SGO1: variants seen among roughly 807,000 people sequenced by gnomAD.
SGO1 encodes the protein shugoshin 1.
SGO1 carries 39 observed loss-of-function variants against 50.5 expected under a neutral mutation model. The ratio of observed to expected loss-of-function variants is 0.77; its 90% CI spans 0.60 to 1.01. SGO1 has a LOEUF of 1.01. SGO1 is among the 50% of genes least tolerant of loss of function. The pLI is 0.00. For synonymous variants in SGO1, 191 were observed against 205.1 expected, an observed-to-expected ratio of 0.93 and a Z score of 0.59; for missense variants, 638 against 606.0, an observed-to-expected ratio of 1.05 and a Z score of -0.55.
At chr3:20,177,386 G>C (rs1701516899) in intron 4 of SGO1, 1 of 152,186 alleles carries the variant, frequency 6.6e-6, no homozygotes, top group African/African-American at 2.4e-5. Flanking sequence ...AGTAATCTAT[G>C]GTGATAGAAA....
Position 20,170,291 on chromosome 3 carries a change from G to C in SGO1, c.*413C>G, listed in dbSNP as rs943330001. 14 of 466,810 alleles carry C rather than the reference G, an allele frequency of 3.0e-5. No homozygotes were observed. Among genetic ancestry groups the C allele is most frequent in the Non-Finnish European group, 3.6e-5 (13 of 356,728 alleles). The allele number at this position is 466,810 out of a possible 1,614,324, so 28.9% of individuals were successfully genotyped here. A position where few individuals can be genotyped will look rare whatever the true frequency, so the allele number is the denominator to read the frequency against. On this transcript the variant is annotated 3_prime_UTR_variant, in exon 8 of 8. Transcript: ENST00000412997. ...CACATGCCTGTAGTCCCAGCTACTC[G>C]GGAGTCTGAGGCAGGAGAATCGCTT... is the stretch of plus-strand genomic sequence containing the variant.
chr3:20,185,910 G>A (rs1480287360), intron 1 of SGO1, 38 bp downstream of exon 1: 1 of 152,110 alleles, frequency 6.6e-6, no homozygotes, highest in Non-Finnish European at 1.5e-5. Flanking sequence ...AAAACCGAAG[G>A]GAAGTCAAAC....
At chr3:20,179,200 G>C (rs1295974135) in intron 3 of SGO1, among the ~76,000 whole-genome samples, 2 of 152,164 alleles carry the variant, frequency 1.3e-5, no homozygotes, top group African/African-American at 4.8e-5. Context: ...ATAAAGGAAG[G>C]TAGGAAGTAT....
At chr3:20,183,552 A>G in intron 3 of SGO1, 56 bp downstream of exon 3, 1 of 1,347,802 alleles carries the variant, frequency 7.4e-7, no homozygotes, top group Non-Finnish European at 1.0e-6. Flanking sequence ...ATTGATCTAA[A>G]CTACTTATTC....
Position 20,174,194 on chromosome 3 carries a change from G to A in SGO1, c.1282+55C>T, listed in dbSNP as rs1179122370. On this transcript the variant is annotated intron_variant, in intron 6 of 7. Coordinates refer to ENST00000412997, the MANE Select transcript of SGO1 (RefSeq NM_001199251.3). Reference sequence around the variant, plus strand: ...GGTAAGTATAGTATATAAGCATCAGGAGTGATCATTTATCACGAACATTAA... The same window carrying A: ...GGTAAGTATAGTATATAAGCATCAGAAGTGATCATTTATCACGAACATTAA... The A allele has an allele frequency of 3.0e-6, 4 of 1,328,298 alleles. No individual in the cohort carries two copies. In the Admixed American group the frequency reaches 5.2e-5, roughly 17 times the overall value. 82.3% of individuals were successfully genotyped at this position (1,328,298 alleles called of 1,614,324 possible). A position where few individuals can be genotyped will look rare whatever the true frequency, so the allele number is the denominator to read the frequency against.
In SGO1 at chr3:20,178,298, G is replaced by T. The variant is rs780214346; in HGVS notation, c.389C>A (p.Ser130Tyr). The change falls in exon 4 of 8, where the codon TCC (serine) becomes TAC (tyrosine). Residue 130 changes from serine to tyrosine, a missense_variant. Coordinates refer to ENST00000412997, the MANE Select transcript of SGO1 (RefSeq NM_001199251.3). Reference sequence around the variant, plus strand: ...TAAATCCTTCACAAATAAATTTCTGGAGCTGTCATCACTATTGGGGTCCAT... The same window carrying T: ...TAAATCCTTCACAAATAAATTTCTGTAGCTGTCATCACTATTGGGGTCCAT... ...SGMDPNSDDS[S>Y]RNLFVKDLPQ... 1 of 1,612,576 alleles carries T rather than the reference G, an allele frequency of 6.2e-7. No homozygotes were observed. The highest frequency in any genetic ancestry group is 8.5e-7 in the Non-Finnish European group (1 of 1,178,946).
Position 20,174,874 on chromosome 3 carries a change from C to G in SGO1, c.657G>C (p.Lys219Asn). 6.2e-7 allele frequency: 1 copy of G among 1,614,014 alleles called. No homozygotes were observed. ...DDFETSHLAG[K>N]SFEFERVGFL... Reference sequence around the variant, plus strand: ...ATCCAACTCTTTCGAATTCAAAAGACTTCCCTGCCAAATGACTGGTTTCAA... The same window carrying G: ...ATCCAACTCTTTCGAATTCAAAAGAGTTCCCTGCCAAATGACTGGTTTCAA... Residue 219 changes from lysine to asparagine, a missense_variant, in exon 6 of 8, where the codon AAG becomes AAC. Coordinates refer to ENST00000412997, the MANE Select transcript of SGO1 (RefSeq NM_001199251.3).
At chr3:20,171,522 T>C (rs1700743409) in intron 6 of SGO1, among the ~76,000 whole-genome samples, 1 of 152,306 alleles carries the variant, frequency 6.6e-6, no homozygotes, top group Admixed American at 6.5e-5. Context: ...ATTCTTTTTT[T>C]AGCTTTTTCA....
upstream of SGO1, chr3:20,186,393 G>A (rs776995914): frequency 6.6e-6 from 1 of 152,318 alleles, no homozygotes; most frequent in Admixed American, 6.5e-5. Context: ...GGGTCTCGGC[G>A]ACCCGCCGGG....
intron 5 of SGO1, among the ~76,000 whole-genome samples, chr3:20,175,784 A>G (rs1701318634): frequency 1.4e-5 from 2 of 146,928 alleles, no homozygotes; most frequent in Non-Finnish European, 3.0e-5. Flanking sequence ...TGGGCGACAG[A>G]GCAAGACTGT....
Position 20,170,764 on chromosome 3 carries a change from A to G in SGO1, c.1524T>C (p.Pro508=). 1 of 1,595,784 alleles carries G rather than the reference A, an allele frequency of 6.3e-7. No homozygotes were observed. Among genetic ancestry groups the G allele is most frequent in the South Asian group, 1.1e-5 (1 of 86,992 alleles). The part of the protein sequence containing the change: ...PFTDLCFLNS[P]IFKQKKDLRR... ...TCAAATCCTTTTTCTGCTTGAAAAT[A>G]GGAGAATTCAAAAAACACAAATCTG... The change falls in exon 8 of 8, where the codon CCT becomes CCC. Residue 508 remains proline, a synonymous_variant. Coordinates refer to ENST00000412997, the MANE Select transcript of SGO1 (RefSeq NM_001199251.3).
At chr3:20,169,314 T>TTTTATAGCAATGA (rs1243093348), downstream of SGO1, 17 of 983,020 alleles carry the variant, frequency 1.7e-5, no homozygotes, top group Non-Finnish European at 2.1e-5. Context: ...AAGCTGAGAG[T>TTTTATAGCAATGA]TTTATAGCAA....
chr3:20,173,540 A>C (rs1464779195), intron 6 of SGO1, among the ~76,000 whole-genome samples: 1 of 152,230 alleles, frequency 6.6e-6, no homozygotes. Flanking sequence ...CCTTACAAAC[A>C]AAATAAGCAT....
intron 3 of SGO1, among the ~76,000 whole-genome samples, chr3:20,180,589 G>A (rs988946969): frequency 1.2e-4 from 19 of 152,106 alleles, no homozygotes; most frequent in African/African-American, 4.1e-4. Context: ...GAGTGGCTGG[G>A]GTTGGTGCTT....
At chr3:20,171,948 C>T (rs943382941) in intron 6 of SGO1, among the ~76,000 whole-genome samples, 6 of 152,176 alleles carry the variant, frequency 3.9e-5, no homozygotes, top group African/African-American at 1.4e-4. Flanking sequence ...ACAATCTCCT[C>T]AAATAGCTTT....
At chr3:20,175,143 G>GTTTT in intron 5 of SGO1, 88 bp from the exon 6 acceptor site, 1 of 1,294,962 alleles carries the variant, frequency 7.7e-7, no homozygotes, top group East Asian at 2.7e-5. Flanking sequence ...CTAAAAAAGT[G>GTTTT]AATGACCAAA....
chr3:20,161,078 T>C, exon 9 of SGO1: 1 of 1,613,272 alleles, frequency 6.2e-7, no homozygotes, highest in Non-Finnish European at 8.5e-7. Flanking sequence ...CTAAAAAAGT[T>C]TTCTAAGGAT....
intron 1 of SGO1, among the ~76,000 whole-genome samples, chr3:20,184,813 C>G (rs373833688): frequency 0.074 from 7,488 of 101,576 alleles, 589 homozygotes; most frequent in African/African-American, 0.24. Context: ...CATAACTATA[C>G]TTAATCTTTC....
At chr3:20,174,094 ACT>A in intron 6 of SGO1, 153 bp downstream of exon 6, 1 of 625,570 alleles carries the variant, frequency 1.6e-6, no homozygotes, top group Non-Finnish European at 2.8e-6. Flanking sequence ...CCAGCCCCCC[ACT>A]GTTTAATCAG....
Sources: gnomAD v4.1 joint callset for allele counts (sites outside exome capture counted in the v4.1 genomes callset) on GRCh38, gnomAD v4.1.1 for gene constraint, MANE v1.5 for transcripts, NCBI Gene and HGNC (gene_info 2026-07-23, HGNC 2026-07-21) for gene names.